Variants in PANK2 observed in about 807,000 individuals in gnomAD.
The protein encoded by PANK2 is pantothenate kinase 2.
PANK2 carries 36 observed loss-of-function variants against 43.1 expected under a neutral mutation model. That is an observed-to-expected ratio of 0.84 (90% CI 0.64 to 1.10). The LOEUF is 1.10. Ranked by LOEUF, PANK2 falls within the 50% of genes least tolerant of loss-of-function variation. The pLI, the probability that PANK2 is intolerant of heterozygous loss-of-function variation, is 0.00. For synonymous variants in PANK2, 281 were observed against 238.2 expected, an observed-to-expected ratio of 1.18 and a Z score of -1.66; for missense variants, 576 against 593.3, an observed-to-expected ratio of 0.97 and a Z score of 0.30.
At chr20:3,921,858 G>T (rs952246021) in intron 6 of PANK2, 1 of 152,122 alleles carries the variant, frequency 6.6e-6, no homozygotes, top group African/African-American at 2.4e-5. Flanking sequence ...CTACAGGCAC[G>T]TGCCACCGCA....
chr20:3,904,249 A>G (rs2090351040), intron 1 of PANK2, among the ~76,000 whole-genome samples: 1 of 151,986 alleles, frequency 6.6e-6, no homozygotes, highest in Non-Finnish European at 1.5e-5. Flanking sequence ...ATTCTTTCCC[A>G]CAATTAGGAA....
rs909268877 is a variant in PANK2 at position 3,923,179 on chromosome 20, A to G, written c.1333-65A>G. On this transcript the variant is annotated intron_variant, in intron 6 of 6. Transcript: ENST00000610179. Reference sequence around the variant, plus strand: ...GTGGTTGGCTTTAACACTAGTCATCATGTGTAAGGTGATTTGAATAAGTCT... The same window carrying G: ...GTGGTTGGCTTTAACACTAGTCATCGTGTGTAAGGTGATTTGAATAAGTCT... 13 of 1,558,952 alleles carry G rather than the reference A, an allele frequency of 8.3e-6. No individual in the cohort carries two copies. The Admixed American group carries it at 2.2e-4, about 26-fold the overall frequency.
rs2090766259 is a variant in PANK2, at chr20:3,928,701, T to G, written c.*5407T>G. On this transcript the variant is annotated 3_prime_UTR_variant, in exon 7 of 7. Transcript: ENST00000610179. ...AGGCGGAGCTTGCAGTGGGCCAAGATCGTGCCACTGCATTCCAGCCTGGGT... is the reference window on the plus strand; with the variant it reads ...AGGCGGAGCTTGCAGTGGGCCAAGAGCGTGCCACTGCATTCCAGCCTGGGT... 1 of 121,086 alleles carries G rather than the reference T, an allele frequency of 8.3e-6. No individual in the cohort carries two copies. The highest frequency in any genetic ancestry group is 2.7e-4 in the South Asian group (1 of 3,664). 7.5% of individuals were successfully genotyped at this position (121,086 alleles called of 1,614,324 possible). A position where few individuals can be genotyped will look rare whatever the true frequency, so the allele number is the denominator to read the frequency against.
At position 3,908,129 on chromosome 20, in the gene PANK2, C is replaced by T. The variant is rs137852966; in HGVS notation, c.502C>T (p.Arg168Cys). Residue 168 changes from arginine (R) to cysteine (C), a missense_variant, in exon 2 of 7, where the codon CGC (arginine) becomes TGC (cysteine). Physicochemically the swap from Arg to Cys is radical, Grantham distance 180 (BLOSUM62 -3). Coordinates refer to ENST00000610179, the MANE Select transcript of PANK2 (RefSeq NM_001386393.1). ...GCTGAAGGACCTGACTCTGTGTGGA[C>T]GCAAAGGCAATCTGCACTTTATACG... 9.9e-6 allele frequency: 16 copies of T among 1,614,134 alleles called. No homozygotes were observed. Among genetic ancestry groups the T allele is most frequent in the Admixed American group, 1.7e-5 (1 of 60,022 alleles).
rs2090423577 is a variant in PANK2, at chr20:3,908,570, AT to A, written c.651+294del. On this transcript the variant is annotated intron_variant, in intron 2 of 6. Transcript: ENST00000610179. ...GAAGAAACTACCTAAAAGGAACATCATTAGATCATGAACAATGAGATTGAAA... is the reference window on the plus strand; with the variant it reads ...GAAGAAACTACCTAAAAGGAACATCATAGATCATGAACAATGAGATTGAAA... The A allele has an allele frequency of 2.5e-5, 10 of 399,532 alleles. No homozygotes were observed. In the South Asian group the frequency reaches 2.9e-4, roughly 12 times the overall value. The allele number at this position is 399,532 out of a possible 1,614,324, so 24.7% of individuals were successfully genotyped here.
chr20:3,910,871 TA>T, intron 3 of PANK2, 41 bp downstream of exon 3: 2 of 1,611,982 alleles, frequency 1.2e-6, no homozygotes, highest in Non-Finnish European at 1.7e-6. Flanking sequence ...CTTAGTATCC[TA>T]ACGGGCTGAG....
chr20:3,912,193 C>T (rs988970127), intron 3 of PANK2, among the ~76,000 whole-genome samples: 6 of 152,054 alleles, frequency 3.9e-5, no homozygotes, highest in Non-Finnish European at 8.8e-5. Flanking sequence ...CTAATTTGCA[C>T]CTGAGGCTCT....
chr20:3,917,092 C>G (rs748729637), intron 5 of PANK2, 42 bp downstream of exon 5: 9 of 1,611,750 alleles, frequency 5.6e-6, no homozygotes, highest in Non-Finnish European at 7.6e-6. Context: ...AAGGAAAATA[C>G]TGAACTTAAG....
At chr20:3,889,842 G>A (rs1216239564) in intron 1 of PANK2, 114 bp downstream of exon 1, 1 of 1,533,626 alleles carries the variant, frequency 6.5e-7, no homozygotes, top group Admixed American at 2.0e-5. Flanking sequence ...TCCCCGCACG[G>A]TGGTCCCTCG....
In PANK2 at chr20:3,912,549, A is replaced by G. The variant is rs746179369; in HGVS notation, c.997A>G (p.Ser333Gly). The change falls in exon 4 of 7, where the codon AGC becomes GGC. Residue 333 changes from serine (S) to glycine (G), a missense_variant. By Grantham distance (56) the Ser-to-Gly change is moderately conservative. Transcript: ENST00000610179. Reference sequence around the variant, plus strand: ...TCTTGAAATGGCATCTCGTGGAGATAGCACCAAAGTGGATAAACTAGTACG... The same window carrying G: ...TCTTGAAATGGCATCTCGTGGAGATGGCACCAAAGTGGATAAACTAGTACG... The G allele has an allele frequency of 3.7e-6, 6 of 1,614,196 alleles. No individual in the cohort carries two copies. Among genetic ancestry groups the G allele is most frequent in the Non-Finnish European group, 5.1e-6 (6 of 1,180,042 alleles).
intron 4 of PANK2, among the ~76,000 whole-genome samples, chr20:3,913,550 G>T (rs2090503266): frequency 6.6e-6 from 1 of 151,894 alleles, no homozygotes; most frequent in Admixed American, 6.6e-5. Context: ...CTCCATGTTG[G>T]CCGGGCAGGT....
chr20:3,915,112 G>A (rs545209306), intron 4 of PANK2, among the ~76,000 whole-genome samples: 1 of 152,238 alleles, frequency 6.6e-6, no homozygotes, highest in East Asian at 1.9e-4. Context: ...GTCCTTTGCA[G>A]CATGGAAATT....
intron 1 of PANK2, among the ~76,000 whole-genome samples, chr20:3,892,030 G>A (rs1333498844): frequency 6.6e-6 from 1 of 152,078 alleles, no homozygotes; most frequent in Non-Finnish European, 1.5e-5. Flanking sequence ...CTATCTAGGG[G>A]TGCCCCTGTT....
In PANK2 at chr20:3,911,185, G is replaced by T. The variant is rs190014063; in HGVS notation, c.905+355G>T. Among the ~76,000 whole-genome samples the T allele has an allele frequency of 5.2e-4, 79 of 152,318 alleles. No individual in the cohort carries two copies. In the East Asian group the frequency reaches 0.014, roughly 28 times the overall value. On this transcript the variant is annotated intron_variant, in intron 3 of 6. Coordinates refer to ENST00000610179, the MANE Select transcript of PANK2 (RefSeq NM_001386393.1). ...GCTCTGAAACCTGTGTAAATTTCAT[G>T]CTTCCACACACATGTGTGTGTAGAA...
In PANK2 at chr20:3,913,794, T is replaced by TA. The variant is rs1568577300; in HGVS notation, c.1082+1160_1082+1161insA. On this transcript the variant is annotated intron_variant, in intron 4 of 6. Transcript: ENST00000610179. ...CACACACATATATATATATATATTTTTTTTTTTTTTTTGAGACGGAGTCTT... is the reference window on the plus strand; with the variant it reads ...CACACACATATATATATATATATTTTATTTTTTTTTTTTGAGACGGAGTCTT... Among the ~76,000 whole-genome samples the TA allele has an allele frequency of 2.7e-3, 344 of 129,544 alleles. 2 individuals are homozygous for TA. Among genetic ancestry groups the TA allele is most frequent in the Non-Finnish European group, 4.0e-3 (249 of 62,254 alleles). The allele number at this position is 129,544 out of a possible 152,430, so 85.0% of individuals were successfully genotyped here. A position where few individuals can be genotyped will look rare whatever the true frequency, so the allele number is the denominator to read the frequency against.
chr20:3,904,218 C>CT (rs778098503), intron 1 of PANK2, among the ~76,000 whole-genome samples: 4 of 151,796 alleles, frequency 2.6e-5, no homozygotes, highest in African/African-American at 9.6e-5. Flanking sequence ...TAGTTTGTCC[C>CT]TTTTTTTTGG....
At chr20:3,914,035 C>A (rs183202217) in intron 4 of PANK2, among the ~76,000 whole-genome samples, 1 of 151,882 alleles carries the variant, frequency 6.6e-6, no homozygotes, top group Non-Finnish European at 1.5e-5. Context: ...ATGATCCGCC[C>A]GCCTTGGCCT....
intron 1 of PANK2, among the ~76,000 whole-genome samples, chr20:3,896,006 A>G (rs561814911): frequency 1.3e-5 from 2 of 152,292 alleles, no homozygotes; most frequent in Admixed American, 1.3e-4. Context: ...GTGGTCTGGT[A>G]AAAGTGTAGT....
At chr20:3,914,087 C>G (rs1026609137) in intron 4 of PANK2, among the ~76,000 whole-genome samples, 6 of 151,968 alleles carry the variant, frequency 3.9e-5, no homozygotes, top group South Asian at 4.1e-4. Flanking sequence ...CTGCGCCTGG[C>G]CTGCACATAT....
Sources: gnomAD v4.1 joint callset for allele counts (sites outside exome capture counted in the v4.1 genomes callset) on GRCh38, gnomAD v4.1.1 for gene constraint, MANE v1.5 for transcripts, NCBI Gene and HGNC (gene_info 2026-07-23, HGNC 2026-07-21) for gene names.